Variants in MYOZ3 observed in about 807,000 individuals in gnomAD.
The protein encoded by MYOZ3 is myozenin 3, also known as myozenin-3.
MYOZ3 carries 19 observed loss-of-function variants against 26.5 expected under a neutral mutation model. That is an observed-to-expected ratio of 0.72 (90% CI 0.50 to 1.05). MYOZ3 has a LOEUF of 1.05. MYOZ3 is among the 50% of genes least tolerant of loss of function. The pLI is 0.00. For missense variants in MYOZ3, 322 were observed against 337.1 expected (o/e 0.96, Z 0.35); for synonymous variants, 135 against 138.8 (o/e 0.97, Z 0.19).
intron 2 of MYOZ3, among the ~76,000 whole-genome samples, chr5:150,664,194 C>G (rs1453997484): frequency 6.6e-6 from 1 of 152,092 alleles, no homozygotes; most frequent in Non-Finnish European, 1.5e-5. Context: ...TATTTCATGA[C>G]TTCATATGTG....
chr5:150,670,721 G>A (rs1450426522), intron 3 of MYOZ3, 83 bp downstream of exon 3: 1 of 1,359,112 alleles, frequency 7.4e-7, no homozygotes, highest in Non-Finnish European at 1.0e-6. Flanking sequence ...CGGTAAGCCA[G>A]GCTGAGGACT....
chr5:150,663,000 C>G lies in MYOZ3; in HGVS notation c.59C>G (p.Pro20Arg). 6.2e-7 allele frequency: 1 copy of G among 1,609,662 alleles called. No individual in the cohort carries two copies. The highest frequency in any genetic ancestry group is 8.5e-7 in the Non-Finnish European group (1 of 1,177,860). Residue 20 changes from proline to arginine, a missense_variant and splice_region_variant, in exon 2 of 7, where the codon CCA (proline) becomes CGA (arginine). Physicochemically the swap from Pro to Arg is moderately radical, Grantham distance 103 (BLOSUM62 -2). Transcript: ENST00000517768. ...VMAAMGDLTE[P>R]VPTLDLGKKL... ...GCTGCCATGGGGGACCTCACTGAAC[C>G]AGGTAAGGTGGTTCTAGCCTCATGC...
chr5:150,671,880 C>G lies in MYOZ3; in HGVS notation c.396C>G (p.Cys132Trp), dbSNP rs778368269. ...GAHPAAAPAG[C>W]VPSPSALAPG... Reference sequence around the variant, plus strand: ...ACCCTGCAGCCGCCCCTGCTGGGTGCGTCCCCAGCCCCAGCGCCCTGGCGC... The same window carrying G: ...ACCCTGCAGCCGCCCCTGCTGGGTGGGTCCCCAGCCCCAGCGCCCTGGCGC... The change falls in exon 5 of 7, where the codon TGC (cysteine) becomes TGG (tryptophan). Residue 132 changes from cysteine (C) to tryptophan (W), a missense_variant. By Grantham distance (215) the Cys-to-Trp change is radical. Transcript: ENST00000517768. The G allele has an allele frequency of 6.3e-7, 1 of 1,577,574 alleles. No individual in the cohort carries two copies. The highest frequency in any genetic ancestry group is 8.6e-7 in the Non-Finnish European group (1 of 1,166,170).
chr5:150,676,727 G>A lies in MYOZ3; in HGVS notation c.608G>A (p.Gly203Glu). The change falls in exon 7 of 7, where the codon GGA becomes GAA. Residue 203 changes from glycine to glutamate, a missense_variant. Gly to Glu is a moderately conservative substitution (Grantham distance 98). Coordinates refer to ENST00000517768, the MANE Select transcript of MYOZ3 (RefSeq NM_001122853.3). ...NFNKTPVPFG[G>E]PLVGGTFPRP... ...TCCAGGACCCCGGTGCCATTTGGAG[G>A]ACCCCTCGTGGGGGGCACTTTTCCC... is the stretch of plus-strand genomic sequence containing the variant. The A allele has an allele frequency of 1.2e-6, 2 of 1,613,930 alleles. No homozygotes were observed. The highest frequency in any genetic ancestry group is 1.7e-6 in the Non-Finnish European group (2 of 1,179,974).
At chr5:150,670,444 G>A in intron 2 of MYOZ3, 40 bp from the exon 3 acceptor site, 5 of 1,570,546 alleles carry the variant, frequency 3.2e-6, no homozygotes, top group Non-Finnish European at 4.3e-6. Context: ...AGTGTATGGG[G>A]GATGGGGTGG....
intron 2 of MYOZ3, among the ~76,000 whole-genome samples, chr5:150,666,628 AAAATAT>A (rs1354801267): frequency 1.6e-4 from 21 of 133,130 alleles, no homozygotes; most frequent in African/African-American, 6.3e-4. Flanking sequence ...AAAAAAAAAA[AAAATAT>A]ATATATATAT....
intron 1 of MYOZ3, among the ~76,000 whole-genome samples, chr5:150,661,954 A>T (rs1332046270): frequency 2.0e-5 from 3 of 152,144 alleles, no homozygotes; most frequent in African/African-American, 7.2e-5. Context: ...ACTGTTACAG[A>T]TGGGGGAACT....
chr5:150,671,189 G>A (rs886783777), intron 3 of MYOZ3, among the ~76,000 whole-genome samples: 10 of 152,202 alleles, frequency 6.6e-5, no homozygotes, highest in Non-Finnish European at 4.4e-5. Flanking sequence ...GCAACTGAGA[G>A]GGAGTGATGT....
chr5:150,673,959 A>ACGG (rs1758966625), intron 6 of MYOZ3, among the ~76,000 whole-genome samples: 1 of 152,174 alleles, frequency 6.6e-6, no homozygotes, highest in South Asian at 2.1e-4. Context: ...TCTAAGACAG[A>ACGG]CGGGTGGGCG....
rs552695033 is a variant in MYOZ3 at position 150,671,645 on chromosome 5, G to C, written c.265G>C (p.Gly89Arg). 1.9e-6 allele frequency: 3 copies of C among 1,613,908 alleles called. No homozygotes were observed. The highest frequency in any genetic ancestry group is 1.3e-5 in the African/African-American group (1 of 75,044). ...RRKVTGTAES[G>R]TVANANGPEG... ...GAAGGTGACTGGAACAGCGGAGTCG[G>C]GGACGGTGAGCGTGGAGGGGAGCTC... Residue 89 changes from glycine to arginine, a missense_variant, in exon 4 of 7, where the codon GGG becomes CGG. By Grantham distance (125) the Gly-to-Arg change is moderately radical (BLOSUM62 -2). Transcript: ENST00000517768.
In MYOZ3 at chr5:150,677,826, A is replaced by T. The variant is rs1759041090; in HGVS notation, c.*951A>T. 1 of 152,138 alleles carries T rather than the reference A, an allele frequency of 6.6e-6. No individual in the cohort carries two copies. The allele number at this position is 152,138 out of a possible 1,614,324, so 9.4% of individuals were successfully genotyped here. The stretch of plus-strand genomic sequence containing the variant: ...CAAAGTGTTGTGGAGCAGAAGAAGG[A>T]GTCCCTCACCCTAGGTGTGAGATGG... On this transcript the variant is annotated 3_prime_UTR_variant, in exon 7 of 7. Transcript: ENST00000517768.
rs977118097 is a variant in MYOZ3, at chr5:150,677,544, G to A, written c.*669G>A. 1 of 152,316 alleles carries A rather than the reference G, an allele frequency of 6.6e-6. No homozygotes were observed. Among genetic ancestry groups the A allele is most frequent in the African/African-American group, 2.4e-5 (1 of 41,416 alleles). The allele number at this position is 152,316 out of a possible 1,614,324, so 9.4% of individuals were successfully genotyped here. A position where few individuals can be genotyped will look rare whatever the true frequency, so the allele number is the denominator to read the frequency against. On this transcript the variant is annotated 3_prime_UTR_variant, in exon 7 of 7. Transcript: ENST00000517768. ...ACCTCTGCTCTTTCCTGTTCCTGTAGTGTACACTCCCCCGGTGACAGGGTG... is the reference window on the plus strand; with the variant it reads ...ACCTCTGCTCTTTCCTGTTCCTGTAATGTACACTCCCCCGGTGACAGGGTG...
intron 6 of MYOZ3, 95 bp from the exon 7 acceptor site, chr5:150,676,612 C>T (rs942405271): frequency 1.5e-5 from 18 of 1,195,218 alleles, no homozygotes; most frequent in East Asian, 2.4e-5. Context: ...GCTCAGAGAG[C>T]GGCAGGGAGG....
chr5:150,664,792 C>CT (rs1758783162), intron 2 of MYOZ3, among the ~76,000 whole-genome samples: 1 of 151,936 alleles, frequency 6.6e-6, no homozygotes, highest in South Asian at 2.1e-4. Flanking sequence ...TAATACATCA[C>CT]TTTTTAAAAA....
At chr5:150,662,781 G>A (rs1489272643) in intron 1 of MYOZ3, among the ~76,000 whole-genome samples, 160 bp from the exon 2 acceptor site, 5 of 152,316 alleles carry the variant, frequency 3.3e-5, no homozygotes, top group Non-Finnish European at 5.9e-5. Flanking sequence ...TCCTCTGCAC[G>A]GAGACCCTGA....
Position 150,662,963 on chromosome 5 carries a change from G to A in MYOZ3, c.22G>A (p.Gly8Arg). 1 of 1,612,094 alleles carries A rather than the reference G, an allele frequency of 6.2e-7. No individual in the cohort carries two copies. The highest frequency in any genetic ancestry group is 1.7e-4 in the Middle Eastern group (1 of 6,034). The change falls in exon 2 of 7, where the codon GGG (glycine) becomes AGG (arginine). Residue 8 changes from glycine to arginine, a missense_variant. Physicochemically the swap from Gly to Arg is moderately radical, Grantham distance 125. Transcript: ENST00000517768. Reference sequence around the variant, plus strand: ...CAGGATGATCCCCAAGGAGCAGAAGGGGCCAGTGATGGCTGCCATGGGGGA... The same window carrying A: ...CAGGATGATCCCCAAGGAGCAGAAGAGGCCAGTGATGGCTGCCATGGGGGA... Reference protein sequence around the residue: MIPKEQKGPVMAAMGDLT... With the variant: MIPKEQKRPVMAAMGDLT...
intron 2 of MYOZ3, among the ~76,000 whole-genome samples, chr5:150,667,631 T>TACAA (rs139735703): frequency 1.2e-4 from 19 of 152,018 alleles, no homozygotes; most frequent in African/African-American, 2.7e-4. Flanking sequence ...TCTCCATTTT[T>TACAA]ACAAACAAAC....
intron 2 of MYOZ3, among the ~76,000 whole-genome samples, chr5:150,667,064 G>A (rs1029406740): frequency 1.1e-4 from 17 of 152,224 alleles, no homozygotes; most frequent in Admixed American, 8.5e-4. Context: ...CGGCCTATAA[G>A]TGGATTTCTT....
At chr5:150,672,670 T>C (rs1361202378) in intron 6 of MYOZ3, 168 bp downstream of exon 6, 1 of 718,048 alleles carries the variant, frequency 1.4e-6, no homozygotes. Context: ...CCGCACCTGG[T>C]AGGTGCTCAG....
Sources: allele counts gnomAD v4.1 joint callset (sites outside exome capture counted in the v4.1 genomes callset), GRCh38; gene constraint gnomAD v4.1.1; transcripts MANE v1.5; gene names NCBI Gene and HGNC (gene_info 2026-07-23, HGNC 2026-07-21).